IMMP2L: variants seen among roughly 807,000 people sequenced by gnomAD.
IMMP2L encodes mitochondrial inner membrane protease subunit 2.
IMMP2L carries 18 observed loss-of-function variants against 19.3 expected under a neutral mutation model. The ratio of observed to expected loss-of-function variants is 0.93; its 90% CI spans 0.64 to 1.38. IMMP2L has a LOEUF of 1.38. Ranked by LOEUF, IMMP2L falls within the 40% of genes most tolerant of loss-of-function variation. IMMP2L has a pLI of 0.00. For missense variants in IMMP2L, 233 were observed against 218.2 expected (o/e 1.07, Z -0.43); for synonymous variants, 76 against 73.0 (o/e 1.04, Z -0.21).
intron 5 of IMMP2L, among the ~76,000 whole-genome samples, chr7:110,881,227 C>T (rs752654689): frequency 1.3e-5 from 2 of 152,062 alleles, no homozygotes; most frequent in Non-Finnish European, 2.9e-5. Flanking sequence ...TTTGGTTACA[C>T]AAATATTTTC....
At position 111,429,716 on chromosome 7, in the gene IMMP2L, A is replaced by C. The variant is rs915489973; in HGVS notation, c.239+57522T>G. Among the ~76,000 whole-genome samples, 49 of 151,884 alleles carry C rather than the reference A, an allele frequency of 3.2e-4. 1 individual carries two copies. Among genetic ancestry groups the C allele is most frequent in the African/African-American group, 1.2e-3 (48 of 41,186 alleles). ...TCTTAAATTGAGACTCCCACAACTA[A>C]ATTTTGCCTTTCAAAGGCAAAAGAA... On this transcript the variant is annotated intron_variant, in intron 3 of 5. Transcript: ENST00000405709.
At chr7:111,511,320 T>A (rs1845416869) in intron 2 of IMMP2L, among the ~76,000 whole-genome samples, 1 of 151,912 alleles carries the variant, frequency 6.6e-6, no homozygotes, top group Non-Finnish European at 1.5e-5. Flanking sequence ...CACTAGGGAA[T>A]CCTGCAACCT....
At chr7:111,551,331 G>A (rs145597132) in intron 1 of IMMP2L, among the ~76,000 whole-genome samples, 1,561 of 152,052 alleles carry the variant, frequency 0.01, 30 homozygotes, top group African/African-American at 0.035. Context: ...TTATATTCTG[G>A]GTATTCTTAA....
In IMMP2L at chr7:111,033,274, A is replaced by G. The variant is rs146323514; in HGVS notation, c.240-69709T>C. 3.0e-4 allele frequency among the ~76,000 whole-genome samples: 46 copies of G among 152,336 alleles called. 2 individuals are homozygous for G. Among genetic ancestry groups the G allele is most frequent in the African/African-American group, 8.2e-4 (34 of 41,580 alleles). On this transcript the variant is annotated intron_variant, in intron 3 of 5. Transcript: ENST00000405709. ...TAATTGCTAATTAAAACAATTAGAT[A>G]CTATTACACATTCAACCGTGACTAA...
chr7:110,681,257 T>C (rs1396020132), intron 5 of IMMP2L, among the ~76,000 whole-genome samples: 1 of 152,112 alleles, frequency 6.6e-6, no homozygotes, highest in East Asian at 1.9e-4. Context: ...TACTGGCTCT[T>C]AATTTGAAGC....
intron 3 of IMMP2L, among the ~76,000 whole-genome samples, chr7:111,370,027 A>C (rs1045885887): frequency 6.6e-6 from 1 of 152,042 alleles, no homozygotes; most frequent in African/African-American, 2.4e-5. Flanking sequence ...AGGAAAACCT[A>C]TAAAGAAAAG....
chr7:111,183,690 C>A (rs1807962116), intron 3 of IMMP2L, among the ~76,000 whole-genome samples: 1 of 152,046 alleles, frequency 6.6e-6, no homozygotes, highest in East Asian at 1.9e-4. Context: ...TGTGACTTCT[C>A]TCATTTTGTT....
intron 3 of IMMP2L, chr7:111,124,907 C>G (rs759988148): frequency 2.8e-6 from 4 of 1,424,632 alleles, no homozygotes; most frequent in Non-Finnish European, 3.7e-6. Context: ...TAAAAACCAC[C>G]AAGGAAACCT....
intron 2 of IMMP2L, among the ~76,000 whole-genome samples, chr7:111,492,123 T>A (rs995456418): frequency 1.3e-5 from 2 of 152,086 alleles, no homozygotes; most frequent in African/African-American, 4.8e-5. Context: ...GTCTATAAGC[T>A]CTTTTTTTTT....
chr7:110,780,731 C>T (rs376535201), intron 5 of IMMP2L, among the ~76,000 whole-genome samples: 1 of 151,836 alleles, frequency 6.6e-6, no homozygotes, highest in South Asian at 2.1e-4. Context: ...ACAAACTTAT[C>T]TGTATTTAAA....
intron 3 of IMMP2L, among the ~76,000 whole-genome samples, chr7:111,001,397 G>A (rs941077403): frequency 6.6e-6 from 1 of 152,016 alleles, no homozygotes; most frequent in Non-Finnish European, 1.5e-5. Flanking sequence ...ATGTATGAAA[G>A]TGTGACAAAA....
intron 3 of IMMP2L, among the ~76,000 whole-genome samples, chr7:111,046,249 T>A: frequency 6.6e-6 from 1 of 151,310 alleles, no homozygotes; most frequent in South Asian, 2.1e-4. Context: ...CTTACCACAG[T>A]AAAAGAAAGA....
Position 110,663,304 on chromosome 7 carries a change from C to A in IMMP2L, c.*298G>T. ...ATAATAAGTATATGTAACAAATAAT[C>A]TGAAATTCAGCCCCATTAAGACATG... On this transcript the variant is annotated 3_prime_UTR_variant, in exon 6 of 6. Transcript: ENST00000405709. 4.3e-6 allele frequency: 1 copy of A among 235,026 alleles called. No homozygotes were observed. Among genetic ancestry groups the A allele is most frequent in the East Asian group, 1.2e-4 (1 of 8,604 alleles). 14.6% of individuals were successfully genotyped at this position (235,026 alleles called of 1,614,324 possible).
intron 3 of IMMP2L, among the ~76,000 whole-genome samples, chr7:111,174,322 G>A (rs1260244231): frequency 4.6e-5 from 7 of 151,670 alleles, no homozygotes; most frequent in Admixed American, 4.6e-4. Flanking sequence ...GGCAGATAGA[G>A]GTTTAATAAC....
chr7:110,998,295 C>T (rs1823255368), intron 3 of IMMP2L, among the ~76,000 whole-genome samples: 1 of 152,086 alleles, frequency 6.6e-6, no homozygotes. Flanking sequence ...CCTTTCAATT[C>T]TTACTTTCTT....
intron 3 of IMMP2L, among the ~76,000 whole-genome samples, chr7:111,087,432 G>A (rs1796443166): frequency 7.0e-6 from 1 of 142,116 alleles, no homozygotes; most frequent in Admixed American, 7.2e-5. Context: ...TTGGGCAACA[G>A]AGCAAGACTC....
At chr7:111,124,624 C>G in intron 3 of IMMP2L, 2 of 1,613,814 alleles carry the variant, frequency 1.2e-6, no homozygotes, top group South Asian at 1.1e-5. Flanking sequence ...GCACCCTGAT[C>G]AAAAAGAGTA....
At chr7:111,018,139 T>C (rs1563164797) in intron 3 of IMMP2L, among the ~76,000 whole-genome samples, 1 of 152,192 alleles carries the variant, frequency 6.6e-6, no homozygotes, top group South Asian at 2.1e-4. Context: ...ACCCAGGTTA[T>C]TTTTCAGAAG....
intron 3 of IMMP2L, among the ~76,000 whole-genome samples, chr7:111,073,860 T>G (rs1795165088): frequency 6.6e-6 from 1 of 152,204 alleles, no homozygotes; most frequent in Non-Finnish European, 1.5e-5. Context: ...TTAACCTTTG[T>G]CTTTGTTGTA....
Sources: allele counts gnomAD v4.1 joint callset (sites outside exome capture counted in the v4.1 genomes callset), GRCh38; gene constraint gnomAD v4.1.1; transcripts MANE v1.5; gene names NCBI Gene and HGNC (gene_info 2026-07-23, HGNC 2026-07-21).